The following MYO16 variants were observed in gnomAD, a reference collection of about 807,000 sequenced individuals.
MYO16 encodes the protein unconventional myosin-XVI.
A neutral mutation model predicts 205.3 loss-of-function variants in MYO16; 94 were observed. That is an observed-to-expected ratio of 0.46 (90% CI 0.39 to 0.54). The LOEUF (loss-of-function observed/expected upper bound fraction) is 0.54, where lower values mean the gene tolerates loss of function less well. MYO16 is among the 20% of genes least tolerant of loss of function. MYO16 has a pLI of 0.00. For missense variants in MYO16, 2,315 were observed against 2,387.5 expected, an observed-to-expected ratio of 0.97 and a Z score of 0.63; for synonymous variants, 988 against 954.0, an observed-to-expected ratio of 1.04 and a Z score of -0.66.
At chr13:108,855,633 G>C in intron 11 of MYO16, 80 bp downstream of exon 11, 1 of 950,936 alleles carries the variant, frequency 1.1e-6, no homozygotes, top group Non-Finnish European at 1.6e-6. Context: ...TTCAAATGTT[G>C]CAAGTAAAGG....
intron 27 of MYO16, among the ~76,000 whole-genome samples, chr13:109,096,848 A>G (rs890769691): frequency 1.3e-5 from 2 of 152,230 alleles, no homozygotes; most frequent in African/African-American, 2.4e-5. Context: ...GAGGGAGGGT[A>G]GAGCGTTGCT....
chr13:109,063,653 A>G (rs1461594699), intron 27 of MYO16, among the ~76,000 whole-genome samples: 1 of 152,174 alleles, frequency 6.6e-6, no homozygotes, highest in Admixed American at 6.5e-5. Context: ...TGCTCAATCT[A>G]CAGTATGTTG....
intron 2 of MYO16, among the ~76,000 whole-genome samples, chr13:108,678,474 A>T (rs1882324592): frequency 6.6e-6 from 1 of 152,050 alleles, no homozygotes; most frequent in African/African-American, 2.4e-5. Flanking sequence ...AGGTGTCTGT[A>T]CTCATGAGTT....
intron 30 of MYO16, among the ~76,000 whole-genome samples, chr13:109,126,578 A>G (rs1463871545): frequency 6.6e-6 from 1 of 152,216 alleles, no homozygotes; most frequent in Non-Finnish European, 1.5e-5. Flanking sequence ...CGGCCACCCC[A>G]ATTTCTCAAT....
intron 27 of MYO16, among the ~76,000 whole-genome samples, chr13:109,094,287 T>G (rs1888708997): frequency 6.6e-6 from 1 of 152,236 alleles, no homozygotes; most frequent in Non-Finnish European, 1.5e-5. Context: ...CATAGCTCAC[T>G]GCAACCTCAA....
At chr13:109,188,459 C>A (rs557767280) in intron 34 of MYO16, among the ~76,000 whole-genome samples, 1 of 152,252 alleles carries the variant, frequency 6.6e-6, no homozygotes, top group South Asian at 2.1e-4. Flanking sequence ...AATCTGACAA[C>A]CTTTCATGAG....
At chr13:108,615,460 G>A (rs1037659184) in intron 1 of MYO16, among the ~76,000 whole-genome samples, 3 of 152,020 alleles carry the variant, frequency 2.0e-5, no homozygotes, top group African/African-American at 7.2e-5. Flanking sequence ...ATAGACCCAG[G>A]AGAACTGAAA....
chr13:109,114,239 C>T (rs1875558247), intron 28 of MYO16, among the ~76,000 whole-genome samples: 1 of 152,182 alleles, frequency 6.6e-6, no homozygotes, highest in African/African-American at 2.4e-5. Context: ...ACCACCGTCA[C>T]CGACATCATT....
At chr13:109,105,583 T>C (rs1369300846) in intron 28 of MYO16, among the ~76,000 whole-genome samples, 1 of 152,254 alleles carries the variant, frequency 6.6e-6, no homozygotes, top group Non-Finnish European at 1.5e-5. Context: ...ATTAATGCAT[T>C]AATTCTATAA....
intron 10 of MYO16, among the ~76,000 whole-genome samples, chr13:108,849,837 G>T (rs1387237113): frequency 6.8e-6 from 1 of 148,056 alleles, no homozygotes; most frequent in South Asian, 2.1e-4. Context: ...TATCCATACT[G>T]GATTATTTGC....
the MYO16 span, among the ~76,000 whole-genome samples, chr13:108,501,825 A>G: frequency 2.0e-5 from 3 of 152,234 alleles, no homozygotes; most frequent in African/African-American, 7.2e-5. Flanking sequence ...GGCCTTTTAC[A>G]GAAAATGTTT....
At chr13:109,081,047 T>C (rs1888265416) in intron 27 of MYO16, among the ~76,000 whole-genome samples, 1 of 152,154 alleles carries the variant, frequency 6.6e-6, no homozygotes, top group African/African-American at 2.4e-5. Flanking sequence ...ATAAGTCATA[T>C]GTAAACACAT....
At chr13:108,917,310 G>C (rs891277220) in intron 16 of MYO16, among the ~76,000 whole-genome samples, 2 of 152,188 alleles carry the variant, frequency 1.3e-5, no homozygotes, top group South Asian at 4.1e-4. Context: ...TGGCTCCTGC[G>C]TAGGGATGGG....
chr13:108,503,466 G>A, the MYO16 span, among the ~76,000 whole-genome samples: 2 of 151,462 alleles, frequency 1.3e-5, no homozygotes, highest in Non-Finnish European at 2.9e-5. Flanking sequence ...TTAAATAAAA[G>A]GTCAGAATCT....
At chr13:108,600,854 G>C (rs1372382901) in intron 1 of MYO16, among the ~76,000 whole-genome samples, 2 of 152,040 alleles carry the variant, frequency 1.3e-5, no homozygotes, top group African/African-American at 4.8e-5. Context: ...ATTTTACTAC[G>C]GTTTTTTAAA....
At chr13:108,588,941 A>G in the MYO16 span, among the ~76,000 whole-genome samples, 1 of 151,898 alleles carries the variant, frequency 6.6e-6, no homozygotes, top group Non-Finnish European at 1.5e-5. Context: ...TACTCTTGAT[A>G]ATAATTGAGT....
the MYO16 span, among the ~76,000 whole-genome samples, chr13:108,565,156 GT>G: frequency 2.0e-5 from 3 of 152,054 alleles, no homozygotes; most frequent in Non-Finnish European, 1.5e-5. Flanking sequence ...CTCCATATAA[GT>G]TTTAGAATCT....
intron 21 of MYO16, among the ~76,000 whole-genome samples, chr13:109,006,944 A>G (rs1885405937): frequency 6.6e-6 from 1 of 152,038 alleles, no homozygotes; most frequent in African/African-American, 2.4e-5. Flanking sequence ...GGAAGCAGCC[A>G]GTGAGCTAGA....
At chr13:109,028,345 TAAAAG>T (rs1408002853) in intron 23 of MYO16, 3 of 269,878 alleles carry the variant, frequency 1.1e-5, no homozygotes, top group African/African-American at 6.9e-5. Context: ...ACTACAATAT[TAAAAG>T]AGAAAACAGA....
Sources: allele counts gnomAD v4.1 joint callset (sites outside exome capture counted in the v4.1 genomes callset), GRCh38; gene constraint gnomAD v4.1.1; transcripts MANE v1.5; gene names NCBI Gene and HGNC (gene_info 2026-07-23, HGNC 2026-07-21).